The following SSBP3 variants were observed in gnomAD, a reference collection of about 807,000 sequenced individuals.
The protein encoded by SSBP3 is single-stranded DNA-binding protein 3.
In SSBP3, 5 loss-of-function variants were observed where a neutral mutation model predicts 69.6. That is an observed-to-expected ratio of 0.07 (90% CI 0.04 to 0.15). The LOEUF (loss-of-function observed/expected upper bound fraction) is 0.15. Among genes scored for constraint, SSBP3 ranks in the 10% least tolerant of loss-of-function variants. The probability of loss-of-function intolerance (pLI) is 1.00; values close to 1 mark genes in which losing one functional copy is unlikely to be tolerated. For missense variants in SSBP3, 312 were observed against 534.0 expected, an observed-to-expected ratio of 0.58 and a Z score of 4.10; for synonymous variants, 196 against 193.4, an observed-to-expected ratio of 1.01 and a Z score of -0.11.
Position 54,361,322 on chromosome 1 carries a change from G to C in SSBP3, c.276+40539C>G, listed in dbSNP as rs112170357. ...TAACCTGGCCTGTGCTAACTATAAA[G>C]AGGTAAATTTTCATAAAACCTAATT... On this transcript the variant is annotated intron_variant, in intron 4 of 17. Transcript: ENST00000610401. Among the ~76,000 whole-genome samples the C allele has an allele frequency of 1.2e-3, 177 of 152,270 alleles. 1 individual carries two copies. Among genetic ancestry groups the C allele is most frequent in the African/African-American group, 4.1e-3 (170 of 41,526 alleles).
chr1:54,246,392 A>C (rs1278461435), intron 9 of SSBP3, among the ~76,000 whole-genome samples: 1 of 152,154 alleles, frequency 6.6e-6, no homozygotes, highest in Non-Finnish European at 1.5e-5. Flanking sequence ...AGCTGACTAG[A>C]GAGGTCTTCC....
intron 4 of SSBP3, among the ~76,000 whole-genome samples, chr1:54,368,515 T>C (rs1394816899): frequency 6.6e-6 from 1 of 152,062 alleles, no homozygotes; most frequent in East Asian, 1.9e-4. Flanking sequence ...CACAACTCAT[T>C]ACCTGCCTGA....
chr1:54,349,496 C>T lies in SSBP3; in HGVS notation c.276+52365G>A, dbSNP rs149885802. 2.4e-3 allele frequency among the ~76,000 whole-genome samples: 373 copies of T among 152,296 alleles called. 2 individuals carry two copies. Among genetic ancestry groups the T allele is most frequent in the African/African-American group, 8.7e-3 (360 of 41,556 alleles). ...GAAGTTATGAAACAAGCAGCCTTGGCCCATATCCTGGGAACAAAAGGCTAC... is the reference window on the plus strand; with the variant it reads ...GAAGTTATGAAACAAGCAGCCTTGGTCCATATCCTGGGAACAAAAGGCTAC... On this transcript the variant is annotated intron_variant, in intron 4 of 17. Transcript: ENST00000610401.
chr1:54,349,532 C>T (rs1017057412), intron 4 of SSBP3, among the ~76,000 whole-genome samples: 1 of 152,178 alleles, frequency 6.6e-6, no homozygotes, highest in African/African-American at 2.4e-5. Flanking sequence ...TGGTTCCCCC[C>T]AAATGAAGCC....
chr1:54,230,393 C>T (rs534799444), intron 14 of SSBP3, among the ~76,000 whole-genome samples: 1 of 152,238 alleles, frequency 6.6e-6, no homozygotes, highest in Non-Finnish European at 1.5e-5. Context: ...CATGATAATA[C>T]AGATTTATGC....
upstream of SSBP3, among the ~76,000 whole-genome samples, chr1:54,406,802 C>G (rs1223837511): frequency 6.6e-6 from 1 of 151,822 alleles, no homozygotes; most frequent in Non-Finnish European, 1.5e-5. Flanking sequence ...GGTCGCCGCT[C>G]GCTCCCTCCC....
chr1:54,311,053 A>C (rs944512683), intron 4 of SSBP3, among the ~76,000 whole-genome samples: 1 of 152,144 alleles, frequency 6.6e-6, no homozygotes, highest in Non-Finnish European at 1.5e-5. Context: ...GCTTGGGTCT[A>C]TTTCGCGGAC....
intron 9 of SSBP3, 51 bp downstream of exon 9, chr1:54,251,565 G>A (rs531615241): frequency 6.7e-5 from 102 of 1,515,848 alleles, no homozygotes; most frequent in Non-Finnish European, 8.6e-5. Flanking sequence ...GAGAGAAGGC[G>A]GGTGCACACA....
chr1:54,377,456 C>T (rs966351850), intron 4 of SSBP3, among the ~76,000 whole-genome samples: 7 of 152,210 alleles, frequency 4.6e-5, no homozygotes, highest in African/African-American at 1.7e-4. Flanking sequence ...GATGAGGATA[C>T]TGAGGTTGCA....
At chr1:54,396,400 C>A (rs1648890616) in intron 4 of SSBP3, among the ~76,000 whole-genome samples, 1 of 152,120 alleles carries the variant, frequency 6.6e-6, no homozygotes, top group African/African-American at 2.4e-5. Context: ...CCCTCAGACA[C>A]TATTATAAAG....
chr1:54,395,821 A>T (rs552327636), intron 4 of SSBP3, among the ~76,000 whole-genome samples: 7 of 152,308 alleles, frequency 4.6e-5, no homozygotes, highest in African/African-American at 1.7e-4. Flanking sequence ...TAAAATCCAG[A>T]GGATTCAAAA....
chr1:54,295,875 G>C (rs949126307), intron 4 of SSBP3, among the ~76,000 whole-genome samples: 32 of 152,188 alleles, frequency 2.1e-4, no homozygotes, highest in African/African-American at 7.7e-4. Flanking sequence ...ACACAAGGCA[G>C]GATGATTTAT....
intron 4 of SSBP3, among the ~76,000 whole-genome samples, chr1:54,388,439 G>A (rs1287735771): frequency 6.6e-6 from 1 of 152,246 alleles, no homozygotes; most frequent in African/African-American, 2.4e-5. Context: ...CACAGTGCCT[G>A]GCCTGGGGTA....
At chr1:54,239,008 T>C (rs1040956568) in intron 14 of SSBP3, 121 bp downstream of exon 14, 3 of 906,056 alleles carry the variant, frequency 3.3e-6, no homozygotes, top group African/African-American at 1.7e-5. Context: ...TGACGGTTTA[T>C]TTTATTCATC....
At chr1:54,337,474 T>C (rs1646528389) in intron 4 of SSBP3, among the ~76,000 whole-genome samples, 1 of 148,774 alleles carries the variant, frequency 6.7e-6, no homozygotes, top group Non-Finnish European at 1.5e-5. Context: ...AAGCATTTTG[T>C]TTTCCTCAAG....
chr1:54,381,025 T>A (rs912324828), intron 4 of SSBP3, among the ~76,000 whole-genome samples: 2 of 150,742 alleles, frequency 1.3e-5, no homozygotes, highest in African/African-American at 2.4e-5. Flanking sequence ...ACTCAGAGGC[T>A]GAAGCAGGAG....
chr1:54,349,693 A>G (rs1646750465), intron 4 of SSBP3, among the ~76,000 whole-genome samples: 4 of 150,944 alleles, frequency 2.6e-5, no homozygotes, highest in Admixed American at 2.0e-4. Context: ...GTGGGTATCC[A>G]ATGAGGAAAC....
At chr1:54,402,032 T>C in intron 3 of SSBP3, 87 bp from the exon 4 acceptor site, 3 of 1,166,722 alleles carry the variant, frequency 2.6e-6, no homozygotes, top group South Asian at 2.7e-5. Context: ...GCGCTAACAG[T>C]ACTAGGTCTC....
intron 4 of SSBP3, among the ~76,000 whole-genome samples, chr1:54,383,068 AAAGAAAG>A (rs777252169): frequency 1.0e-3 from 123 of 117,542 alleles, no homozygotes; most frequent in African/African-American, 3.6e-3. Flanking sequence ...GAAAGAAAGA[AAAGAAAG>A]AAAAGAAAGA....
Sources: gnomAD v4.1 joint callset for allele counts (sites outside exome capture counted in the v4.1 genomes callset) on GRCh38, gnomAD v4.1.1 for gene constraint, MANE v1.5 for transcripts, NCBI Gene and HGNC (gene_info 2026-07-23, HGNC 2026-07-21) for gene names.